The following STAU2 variants were observed in gnomAD, a reference collection of about 807,000 sequenced individuals.
The protein encoded by STAU2 is staufen double-stranded RNA binding protein 2.
Under a neutral mutation model 65.9 loss-of-function variants are expected in STAU2, and 20 were observed. That is an observed-to-expected ratio of 0.30 (90% CI 0.21 to 0.44). STAU2 has a LOEUF of 0.44. Among genes scored for constraint, STAU2 ranks in the 20% least tolerant of loss-of-function variants. The pLI, the probability that STAU2 is intolerant of heterozygous loss-of-function variation, is 1.00. For missense variants in STAU2, 558 were observed against 683.9 expected (o/e 0.82, Z 2.05); for synonymous variants, 232 against 233.9 (o/e 0.99, Z 0.07).
intron 13 of STAU2, among the ~76,000 whole-genome samples, chr8:73,427,666 T>A (rs927504439): frequency 2.6e-5 from 4 of 152,238 alleles, no homozygotes; most frequent in Non-Finnish European, 5.9e-5. Context: ...GGGCCCACTG[T>A]CCCACCTCAC....
At position 73,643,323 on chromosome 8, in the gene STAU2, A is replaced by C. The variant is rs141972588; in HGVS notation, c.411-25872T>G. On this transcript the variant is annotated intron_variant, in intron 6 of 14. Transcript: ENST00000524300. ...ATCCCATACATACAGTACTCCGTTA[A>C]GTATTACCACCCAGTCACATATTAC... Among the ~76,000 whole-genome samples, 190 of 152,336 alleles carry C rather than the reference A, an allele frequency of 1.2e-3. 2 individuals are homozygous for C. The highest frequency in any genetic ancestry group is 4.0e-3 in the African/African-American group (166 of 41,582).
At chr8:73,631,262 G>T (rs1003092633) in intron 6 of STAU2, among the ~76,000 whole-genome samples, 1 of 151,972 alleles carries the variant, frequency 6.6e-6, no homozygotes, top group African/African-American at 2.4e-5. Flanking sequence ...GCGGAGGCAG[G>T]AGCATTGCTT....
chr8:73,421,706 A>G (rs1202334214), intron 14 of STAU2, among the ~76,000 whole-genome samples: 1 of 152,184 alleles, frequency 6.6e-6, no homozygotes, highest in Non-Finnish European at 1.5e-5. Flanking sequence ...CTGTTTACCA[A>G]ATGTTTTCTT....
intron 6 of STAU2, 82 bp from the exon 7 acceptor site, chr8:73,617,533 C>T: frequency 7.5e-7 from 1 of 1,340,644 alleles, no homozygotes; most frequent in Non-Finnish European, 1.0e-6. Context: ...TAAAATGATA[C>T]CAATTATATA....
intron 6 of STAU2, among the ~76,000 whole-genome samples, chr8:73,662,631 T>TGTTGTTGTTG (rs61452452): frequency 6.6e-6 from 1 of 151,880 alleles, no homozygotes; most frequent in African/African-American, 2.4e-5. Flanking sequence ...TTGTTGTTGT[T>TGTTGTTGTTG]TTTGAGACAG....
intron 5 of STAU2, among the ~76,000 whole-genome samples, chr8:73,685,727 T>C (rs2130496752): frequency 6.6e-6 from 1 of 152,174 alleles, no homozygotes; most frequent in Admixed American, 6.5e-5. Flanking sequence ...GTAAAACCAC[T>C]ATGGAAAACA....
intron 4 of STAU2, among the ~76,000 whole-genome samples, chr8:73,702,747 C>T (rs1452210336): frequency 6.6e-6 from 1 of 152,040 alleles, no homozygotes; most frequent in African/African-American, 2.4e-5. Context: ...TCTGAACAGA[C>T]ACTTCACTAA....
chr8:73,560,281 C>T (rs981175797), intron 12 of STAU2, among the ~76,000 whole-genome samples: 3 of 151,896 alleles, frequency 2.0e-5, no homozygotes, highest in Admixed American at 6.6e-5. Flanking sequence ...GGGGTTTCAC[C>T]GTGTCAGCCA....
chr8:73,725,003 T>C (rs903106083), intron 3 of STAU2, among the ~76,000 whole-genome samples: 13 of 152,154 alleles, frequency 8.5e-5, no homozygotes, highest in Admixed American at 4.6e-4. Flanking sequence ...GTGTATGAAA[T>C]ACATTTTTGA....
At chr8:73,672,417 G>A (rs899649855) in intron 6 of STAU2, 6 of 152,204 alleles carry the variant, frequency 3.9e-5, no homozygotes, top group Admixed American at 3.3e-4. Flanking sequence ...GATCTGAGTG[G>A]TGATCACGTG....
At chr8:73,532,646 A>T (rs906756826) in intron 13 of STAU2, among the ~76,000 whole-genome samples, 1 of 152,202 alleles carries the variant, frequency 6.6e-6, no homozygotes, top group Non-Finnish European at 1.5e-5. Flanking sequence ...AAAAAATTTT[A>T]AAAATGAGAG....
Position 73,449,846 on chromosome 8 carries a change from C to T in STAU2, c.1531-27144G>A, listed in dbSNP as rs1818697876. ...GGGGAGACACCTCTCCTGGCAGCCC[C>T]CTCACTACTCCTGCCTCTGGCAGGA... On this transcript the variant is annotated intron_variant, in intron 13 of 14. Transcript: ENST00000524300. Among the ~76,000 whole-genome samples the T allele has an allele frequency of 2.6e-5, 4 of 152,192 alleles. No individual in the cohort carries two copies. In the South Asian group the frequency reaches 8.3e-4, roughly 31 times the overall value.
chr8:73,453,768 C>T (rs911407980), intron 13 of STAU2, among the ~76,000 whole-genome samples: 10 of 151,608 alleles, frequency 6.6e-5, no homozygotes, highest in African/African-American at 2.4e-4. Flanking sequence ...TCTGGTAGTA[C>T]AAATAACATC....
At chr8:73,669,066 G>C (rs760985786) in intron 6 of STAU2, 1 of 702,196 alleles carries the variant, frequency 1.4e-6, no homozygotes, top group Non-Finnish European at 2.6e-6. Context: ...CATCTCCTTG[G>C]ATCTTTGGCT....
chr8:73,544,032 T>C lies in STAU2; in HGVS notation c.1530+7980A>G, dbSNP rs540885321. Among the ~76,000 whole-genome samples, 14 of 152,326 alleles carry C rather than the reference T, an allele frequency of 9.2e-5. No individual in the cohort carries two copies. In the South Asian group the frequency reaches 2.5e-3, roughly 27 times the overall value. On this transcript the variant is annotated intron_variant, in intron 13 of 14. Coordinates refer to ENST00000524300, the MANE Select transcript of STAU2 (RefSeq NM_001164380.2). Reference sequence around the variant, plus strand: ...CCTCTAAGTTTATTCATCTCATCCATAGTAAAAATAAAACTTTGCCTAAAC... The same window carrying C: ...CCTCTAAGTTTATTCATCTCATCCACAGTAAAAATAAAACTTTGCCTAAAC...
At chr8:73,462,263 T>C (rs1476311925) in intron 13 of STAU2, among the ~76,000 whole-genome samples, 5 of 151,596 alleles carry the variant, frequency 3.3e-5, no homozygotes, top group Admixed American at 6.6e-5. Flanking sequence ...TATTTTTTTT[T>C]CTTTTTTTTT....
intron 13 of STAU2, among the ~76,000 whole-genome samples, chr8:73,537,477 A>C (rs1806257856): frequency 6.6e-6 from 1 of 152,230 alleles, no homozygotes; most frequent in Admixed American, 6.5e-5. Context: ...AAGAAGTGAG[A>C]GAGAAACAGC....
chr8:73,558,686 G>A (rs1807964755), intron 12 of STAU2, among the ~76,000 whole-genome samples: 1 of 152,186 alleles, frequency 6.6e-6, no homozygotes, highest in African/African-American at 2.4e-5. Context: ...CAGCAAGAAA[G>A]ATAATGCCAC....
chr8:73,668,743 C>A (rs1817427562), intron 6 of STAU2, among the ~76,000 whole-genome samples: 1 of 130,828 alleles, frequency 7.6e-6, no homozygotes, highest in South Asian at 2.5e-4. Flanking sequence ...TAAAAGGAGA[C>A]AGGTACTTCA....
Sources: gnomAD v4.1 joint callset for allele counts (sites outside exome capture counted in the v4.1 genomes callset) on GRCh38, gnomAD v4.1.1 for gene constraint, MANE v1.5 for transcripts, NCBI Gene and HGNC (gene_info 2026-07-23, HGNC 2026-07-21) for gene names.